Variants in RAB6D observed in about 807,000 individuals in gnomAD.
RAB6D encodes the protein ras-related protein Rab-6D.
Under a neutral mutation model 17.5 loss-of-function variants are expected in RAB6D, and 11 were observed. The ratio of observed to expected loss-of-function variants is 0.63; its 90% confidence interval spans 0.39 to 1.04. The LOEUF is 1.04. RAB6D is among the 50% of genes least tolerant of loss of function. RAB6D has a pLI of 0.00. For missense variants in RAB6D, 163 were observed against 315.1 expected, an observed-to-expected ratio of 0.52 and a Z score of 3.65; for synonymous variants, 68 against 122.6, an observed-to-expected ratio of 0.55 and a Z score of 2.94.
chr2:131,362,849 T>G lies in RAB6D; in HGVS notation c.*107A>C, dbSNP rs1320410211. ...AAAGAAAAAAAATGTTAAGAAAATG[T>G]ATCTAATTTTTAAAGTTATCACTGG... On this transcript the variant is annotated 3_prime_UTR_variant, in exon 1 of 1. Transcript: ENST00000623617. 6.9e-7 allele frequency: 1 copy of G among 1,458,530 alleles called. No homozygotes were observed. Among genetic ancestry groups the G allele is most frequent in the Non-Finnish European group, 9.2e-7 (1 of 1,086,094 alleles). The allele number at this position is 1,458,530 out of a possible 1,614,324, so 90.3% of individuals were successfully genotyped here. A position where few individuals can be genotyped will look rare whatever the true frequency, so the allele number is the denominator to read the frequency against.
Position 131,360,531 on chromosome 2 carries a change from A to G in RAB6D, c.*2425T>C, listed in dbSNP as rs1448191554. ...ACTTTAATATTCATAGCTTATATTT[A>G]TCAATAGATTGTCTTAGGAAAAGAA... On this transcript the variant is annotated 3_prime_UTR_variant, in exon 1 of 1. Transcript: ENST00000623617. Among the ~76,000 whole-genome samples the G allele has an allele frequency of 1.3e-5, 2 of 152,234 alleles. No individual in the cohort carries two copies. Among genetic ancestry groups the G allele is most frequent in the Admixed American group, 6.5e-5 (1 of 15,284 alleles).
Position 131,360,875 on chromosome 2 carries a change from T to C in RAB6D, c.*2081A>G, listed in dbSNP as rs1042954547. 2.0e-5 allele frequency among the ~76,000 whole-genome samples: 3 copies of C among 152,208 alleles called. No individual in the cohort carries two copies. The highest frequency in any genetic ancestry group is 7.2e-5 in the African/African-American group (3 of 41,450). ...TTTTTAATTTTTGTTTTGTGTTTTA[T>C]TTATATATTTTTGGCAGCAAAATTG... On this transcript the variant is annotated 3_prime_UTR_variant, in exon 1 of 1. Transcript: ENST00000623617.
chr2:131,361,245 A>G lies in RAB6D; in HGVS notation c.*1711T>C, dbSNP rs1249946009. 6.0e-6 allele frequency: 1 copy of G among 167,096 alleles called. No individual in the cohort carries two copies. Among genetic ancestry groups the G allele is most frequent in the Non-Finnish European group, 1.5e-5 (1 of 68,114 alleles). The allele number at this position is 167,096 out of a possible 1,614,324, so 10.4% of individuals were successfully genotyped here. Reference sequence around the variant, plus strand: ...CCATCTTTAAGTGTAAGTTACTGGTATGTGGGCTAATGATTATCTGTAAGC... The same window carrying G: ...CCATCTTTAAGTGTAAGTTACTGGTGTGTGGGCTAATGATTATCTGTAAGC... On this transcript the variant is annotated 3_prime_UTR_variant, in exon 1 of 1. Coordinates refer to ENST00000623617, the MANE Select transcript of RAB6D (RefSeq NM_001077637.3).
chr2:131,360,537 A>G lies in RAB6D; in HGVS notation c.*2419T>C, dbSNP rs1399206113. ...ATATTCATAGCTTATATTTATCAATAGATTGTCTTAGGAAAAGAAAAAGAC... is the reference window on the plus strand; with the variant it reads ...ATATTCATAGCTTATATTTATCAATGGATTGTCTTAGGAAAAGAAAAAGAC... On this transcript the variant is annotated 3_prime_UTR_variant, in exon 1 of 1. Coordinates refer to ENST00000623617, the MANE Select transcript of RAB6D (RefSeq NM_001077637.3). Among the ~76,000 whole-genome samples the G allele has an allele frequency of 6.6e-6, 1 of 152,218 alleles. No individual in the cohort carries two copies. Among genetic ancestry groups the G allele is most frequent in the Non-Finnish European group, 1.5e-5 (1 of 68,036 alleles).
At position 131,362,040 on chromosome 2, in the gene RAB6D, G is replaced by A. The variant is rs1363132040; in HGVS notation, c.*916C>T. The A allele has an allele frequency of 6.0e-6, 1 of 166,976 alleles. No homozygotes were observed. The highest frequency in any genetic ancestry group is 2.4e-5 in the African/African-American group (1 of 41,398). 10.3% of individuals were successfully genotyped at this position (166,976 alleles called of 1,614,324 possible). On this transcript the variant is annotated 3_prime_UTR_variant, in exon 1 of 1. Coordinates refer to ENST00000623617, the MANE Select transcript of RAB6D (RefSeq NM_001077637.3). ...CTTTTGTTGGTAAGCTTTAGATATCGTTATTTCTGCTAATTCAGTAGTTTT... is the reference window on the plus strand; with the variant it reads ...CTTTTGTTGGTAAGCTTTAGATATCATTATTTCTGCTAATTCAGTAGTTTT...
In RAB6D at chr2:131,363,471, G is replaced by C. The variant is rs1176499409; in HGVS notation, c.250C>G (p.Arg84Gly). 1.2e-6 allele frequency: 2 copies of C among 1,607,862 alleles called. No individual in the cohort carries two copies. Among genetic ancestry groups the C allele is most frequent in the East Asian group, 4.5e-5 (2 of 44,608 alleles). Reference sequence around the variant, plus strand: ...ACTACTACAGCTGCAGCAGAATCACGGATGTACCTGGGAATGAGGCTACGG... The same window carrying C: ...ACTACTACAGCTGCAGCAGAATCACCGATGTACCTGGGAATGAGGCTACGG... ...RLRSLIPRYI[R>G]DSAAAVVVYD... Residue 84 changes from arginine to glycine, a missense_variant, in exon 1 of 1, where the codon CGT (arginine) becomes GGT (glycine). Arg to Gly is a moderately radical substitution (Grantham distance 125, BLOSUM62 -2). Around this residue, in one of 2 missense-constraint regions of RAB6D, gnomAD observed 144 missense variants for 244.4 expected, o/e 0.59. Transcript: ENST00000623617.
In RAB6D at chr2:131,364,006, T is replaced by C; in HGVS notation, c.-286A>G. On this transcript the variant is annotated 5_prime_UTR_variant, in exon 1 of 1. Transcript: ENST00000623617. Reference sequence around the variant, plus strand: ...GGGGTGTGCTTTGGCTTCCCAAGGCTAGGGCCGTTCCCTTCTTCCTCACCC... The same window carrying C: ...GGGGTGTGCTTTGGCTTCCCAAGGCCAGGGCCGTTCCCTTCTTCCTCACCC... The C allele has an allele frequency of 1.9e-6, 1 of 533,594 alleles. No individual in the cohort carries two copies. The highest frequency in any genetic ancestry group is 2.7e-5 in the South Asian group (1 of 37,246). The allele number at this position is 533,594 out of a possible 1,614,324, so 33.1% of individuals were successfully genotyped here. A position where few individuals can be genotyped will look rare whatever the true frequency, so the allele number is the denominator to read the frequency against.
In RAB6D at chr2:131,363,261, C is replaced by A; in HGVS notation, c.460G>T (p.Glu154Ter). 1 of 1,613,876 alleles carries A rather than the reference C, an allele frequency of 6.2e-7. No individual in the cohort carries two copies. Among genetic ancestry groups the A allele is most frequent in the Non-Finnish European group, 8.5e-7 (1 of 1,180,012 alleles). Residue 154 changes from glutamate (E) to a stop codon, truncating the protein, a stop_gained, in exon 1 of 1, where the codon GAA becomes TAA. Transcript: ENST00000623617. LOFTEE classifies it high-confidence loss of function. ...TTGTATCCAGCTTTTGCCCTAGTTT[C>A]AATAAACGTAACATTCAGCCCTTTG... is the stretch of plus-strand genomic sequence containing the variant. ...KAKGLNVTFIETRAKAGYNVK... is the reference protein window; with the variant it reads ...KAKGLNVTFI
rs1296524888 is a variant in RAB6D at position 131,364,127 on chromosome 2, C to CCGCCGCCGCCTCGGCTTCCCCAGG, written c.-408_-407insCCTGGGGAAGCCGAGGCGGCGGCG. ...ACGCGCGGCGCTTCGGCTTCCCCAG[C>CCGCCGCCGCCTCGGCTTCCCCAGG]CGCCGCCGCCGCAGCCCAACCTGCT... On this transcript the variant is annotated 5_prime_UTR_variant, in exon 1 of 1. Transcript: ENST00000623617. 2.7e-5 allele frequency: 6 copies of CCGCCGCCGCCTCGGCTTCCCCAGG among 220,210 alleles called. No homozygotes were observed. Among genetic ancestry groups the CCGCCGCCGCCTCGGCTTCCCCAGG allele is most frequent in the African/African-American group, 1.4e-4 (6 of 41,696 alleles). The allele number at this position is 220,210 out of a possible 1,614,324, so 13.6% of individuals were successfully genotyped here.
rs1333198106 is a variant in RAB6D, at chr2:131,361,849, T to C, written c.*1107A>G. The C allele has an allele frequency of 1.2e-5, 2 of 167,116 alleles. No homozygotes were observed. The highest frequency in any genetic ancestry group is 4.8e-5 in the African/African-American group (2 of 41,458). 10.4% of individuals were successfully genotyped at this position (167,116 alleles called of 1,614,324 possible). On this transcript the variant is annotated 3_prime_UTR_variant, in exon 1 of 1. Coordinates refer to ENST00000623617, the MANE Select transcript of RAB6D (RefSeq NM_001077637.3). ...TAAAAAAATGCTAAAAAATAAGGCA[T>C]AAATCTGCATAATATTCAGTTTTAT...
rs549736587 is a variant in RAB6D, at chr2:131,363,964, G to A, written c.-244C>T. On this transcript the variant is annotated 5_prime_UTR_variant, in exon 1 of 1. Coordinates refer to ENST00000623617, the MANE Select transcript of RAB6D (RefSeq NM_001077637.3). ...CCGCGGCTGGGAAGGGAAGGAGGGC[G>A]GTGTCGGCAGGAGCCAGGGGTGTGC... is the stretch of plus-strand genomic sequence containing the variant. The A allele has an allele frequency of 1.9e-5, 12 of 629,792 alleles. No homozygotes were observed. In the Admixed American group the frequency reaches 2.7e-4, roughly 14 times the overall value. 39.0% of individuals were successfully genotyped at this position (629,792 alleles called of 1,614,324 possible).
rs1703448642 is a variant in RAB6D at position 131,363,271 on chromosome 2, A to G, written c.450T>C (p.Val150=). ...CTTTTGCCCTAGTTTCAATAAACGT[A>G]ACATTCAGCCCTTTGGCTTTCCTCT... ...EGERKAKGLN[V]TFIETRAKAG... The change falls in exon 1 of 1, where the codon GTT becomes GTC. Residue 150 remains valine (V), a synonymous_variant. Coordinates refer to ENST00000623617, the MANE Select transcript of RAB6D (RefSeq NM_001077637.3). 6.2e-7 allele frequency: 1 copy of G among 1,613,894 alleles called. No individual in the cohort carries two copies. The highest frequency in any genetic ancestry group is 1.7e-5 in the Admixed American group (1 of 60,004).
At position 131,363,880 on chromosome 2, in the gene RAB6D, C is replaced by G. The variant is rs1703465038; in HGVS notation, c.-160G>C. 10 of 1,288,768 alleles carry G rather than the reference C, an allele frequency of 7.8e-6. No individual in the cohort carries two copies. The highest frequency in any genetic ancestry group is 3.0e-5 in the African/African-American group (2 of 66,442). 79.8% of individuals were successfully genotyped at this position (1,288,768 alleles called of 1,614,324 possible). ...AGCCCGGCTGGAGGGCAGCAGGACT[C>G]TCCACAGACTGGCAGCCGCCGCCGC... On this transcript the variant is annotated 5_prime_UTR_variant, in exon 1 of 1. Coordinates refer to ENST00000623617, the MANE Select transcript of RAB6D (RefSeq NM_001077637.3).
Position 131,361,733 on chromosome 2 carries a change from T to G in RAB6D, c.*1223A>C. The G allele has an allele frequency of 6.0e-6, 1 of 166,400 alleles. No individual in the cohort carries two copies. 10.3% of individuals were successfully genotyped at this position (166,400 alleles called of 1,614,324 possible). On this transcript the variant is annotated 3_prime_UTR_variant, in exon 1 of 1. Coordinates refer to ENST00000623617, the MANE Select transcript of RAB6D (RefSeq NM_001077637.3). ...AAGAAATATCACCAAAGAAAAAAGATTAATCGTAGCTTAAATATAAAACTA... is the reference window on the plus strand; with the variant it reads ...AAGAAATATCACCAAAGAAAAAAGAGTAATCGTAGCTTAAATATAAAACTA...
rs1319223079 is a variant in RAB6D, at chr2:131,360,768, G to A, written c.*2188C>T. Among the ~76,000 whole-genome samples the A allele has an allele frequency of 6.6e-6, 1 of 152,290 alleles. No homozygotes were observed. ...TATTAAACATAGCATAGCATTGTGT[G>A]TGTGGATGTGTGGATGTAAATGGCA... On this transcript the variant is annotated 3_prime_UTR_variant, in exon 1 of 1. Coordinates refer to ENST00000623617, the MANE Select transcript of RAB6D (RefSeq NM_001077637.3).
In RAB6D at chr2:131,360,908, T is replaced by TA. The variant is rs904447814; in HGVS notation, c.*2047dup. Among the ~76,000 whole-genome samples, 290 of 151,588 alleles carry TA rather than the reference T, an allele frequency of 1.9e-3. 1 individual carries two copies. Among genetic ancestry groups the TA allele is most frequent in the African/African-American group, 6.4e-3 (264 of 41,410 alleles). On this transcript the variant is annotated 3_prime_UTR_variant, in exon 1 of 1. Transcript: ENST00000623617. ...TTTTTGGCAGCAAAATTGTGTTTACTAAAAAAAAATCTGGACTATGAACAC... is the reference window on the plus strand; with the variant it reads ...TTTTTGGCAGCAAAATTGTGTTTACTAAAAAAAAAATCTGGACTATGAACAC...
rs1241068992 is a variant in RAB6D, at chr2:131,360,639, T to C, written c.*2317A>G. Among the ~76,000 whole-genome samples, 5 of 152,084 alleles carry C rather than the reference T, an allele frequency of 3.3e-5. No individual in the cohort carries two copies. Among genetic ancestry groups the C allele is most frequent in the Non-Finnish European group, 5.9e-5 (4 of 67,994 alleles). ...TGTGTTAAAGAATTATAAAGAATAA[T>C]ACAAATAACACAATTTAATGAACAA... On this transcript the variant is annotated 3_prime_UTR_variant, in exon 1 of 1. Coordinates refer to ENST00000623617, the MANE Select transcript of RAB6D (RefSeq NM_001077637.3).
chr2:131,362,203 T>G lies in RAB6D; in HGVS notation c.*753A>C, dbSNP rs1284648966. On this transcript the variant is annotated 3_prime_UTR_variant, in exon 1 of 1. Coordinates refer to ENST00000623617, the MANE Select transcript of RAB6D (RefSeq NM_001077637.3). ...TCTATTGCTTAAAGAGGTTTCTTAT[T>G]TTTTAAACAAACAGAATAACTCTTG... 1 of 166,956 alleles carries G rather than the reference T, an allele frequency of 6.0e-6. No homozygotes were observed. Among genetic ancestry groups the G allele is most frequent in the African/African-American group, 2.4e-5 (1 of 41,352 alleles). 10.3% of individuals were successfully genotyped at this position (166,956 alleles called of 1,614,324 possible).
chr2:131,362,856 T>C lies in RAB6D; in HGVS notation c.*100A>G. 6.7e-7 allele frequency: 1 copy of C among 1,489,300 alleles called. No homozygotes were observed. The highest frequency in any genetic ancestry group is 9.0e-7 in the Non-Finnish European group (1 of 1,111,212). The allele number at this position is 1,489,300 out of a possible 1,614,324, so 92.3% of individuals were successfully genotyped here. A position where few individuals can be genotyped will look rare whatever the true frequency, so the allele number is the denominator to read the frequency against. On this transcript the variant is annotated 3_prime_UTR_variant, in exon 1 of 1. Coordinates refer to ENST00000623617, the MANE Select transcript of RAB6D (RefSeq NM_001077637.3). ...AAAAATGTTAAGAAAATGTATCTAATTTTTAAAGTTATCACTGGAATACGC... is the reference window on the plus strand; with the variant it reads ...AAAAATGTTAAGAAAATGTATCTAACTTTTAAAGTTATCACTGGAATACGC...
Sources: gnomAD v4.1 joint callset for allele counts (sites outside exome capture counted in the v4.1 genomes callset) on GRCh38, gnomAD v4.1.1 for gene constraint, gnomAD v4.1.1 regional missense constraint, MANE v1.5 for transcripts, NCBI Gene and HGNC (gene_info 2026-07-23, HGNC 2026-07-21) for gene names.